Variants in CNTN5 observed in about 807,000 individuals in gnomAD.
CNTN5 encodes the protein contactin-5.
Under a neutral mutation model 129.1 loss-of-function variants are expected in CNTN5, and 77 were observed. The ratio of observed to expected loss-of-function variants is 0.60; its 90% CI spans 0.50 to 0.72. CNTN5 has a LOEUF of 0.72. CNTN5 is among the 30% of genes least tolerant of loss of function. The pLI, the probability that CNTN5 is intolerant of heterozygous loss-of-function variation, is 0.00. For missense variants in CNTN5, 1,478 were observed against 1,328.8 expected (o/e 1.11, Z -1.75); for synonymous variants, 509 against 465.6 (o/e 1.09, Z -1.20).
At chr11:99,319,795 C>T (rs145883166) in intron 1 of CNTN5, among the ~76,000 whole-genome samples, 6 of 151,964 alleles carry the variant, frequency 3.9e-5, no homozygotes, top group Admixed American at 2.0e-4. Flanking sequence ...TGAAGTAGGC[C>T]GACAGTGAAA....
intron 3 of CNTN5, among the ~76,000 whole-genome samples, chr11:99,569,506 G>T (rs1949111622): frequency 6.6e-6 from 1 of 152,036 alleles, no homozygotes; most frequent in African/African-American, 2.4e-5. Flanking sequence ...TAGAGACAGG[G>T]TTTCATCATG....
intron 2 of CNTN5, among the ~76,000 whole-genome samples, chr11:99,518,943 T>C (rs1285547218): frequency 2.0e-5 from 3 of 152,074 alleles, no homozygotes; most frequent in Non-Finnish European, 2.9e-5. Flanking sequence ...GCTCCACCCT[T>C]CTAATTTCTT....
chr11:100,169,647 C>T (rs762000883), intron 13 of CNTN5, among the ~76,000 whole-genome samples: 3 of 152,068 alleles, frequency 2.0e-5, no homozygotes, highest in African/African-American at 7.2e-5. Flanking sequence ...ATAACAATAA[C>T]TTTTGTATGC....
intron 17 of CNTN5, among the ~76,000 whole-genome samples, chr11:100,260,101 G>A (rs1484373651): frequency 1.3e-5 from 2 of 152,104 alleles, no homozygotes; most frequent in Non-Finnish European, 2.9e-5. Context: ...AATAAAAAAT[G>A]ATAAAGGGGA....
intron 10 of CNTN5, among the ~76,000 whole-genome samples, chr11:100,065,355 C>T (rs564227951): frequency 2.0e-5 from 3 of 151,984 alleles, no homozygotes; most frequent in African/African-American, 7.2e-5. Context: ...TGATTCTATA[C>T]TGTTATAAAG....
chr11:99,992,188 A>G (rs1161709044), intron 8 of CNTN5, among the ~76,000 whole-genome samples: 1 of 152,242 alleles, frequency 6.6e-6, no homozygotes, highest in Non-Finnish European at 1.5e-5. Context: ...TTTACTGGAC[A>G]GGAGTTCTTA....
At chr11:99,309,595 G>A (rs1261459877) in intron 1 of CNTN5, among the ~76,000 whole-genome samples, 2 of 152,134 alleles carry the variant, frequency 1.3e-5, no homozygotes, top group Non-Finnish European at 2.9e-5. Context: ...AAATAGATGG[G>A]ATGCTTATCC....
chr11:99,936,350 A>G (rs906752948), intron 7 of CNTN5, among the ~76,000 whole-genome samples: 1 of 152,234 alleles, frequency 6.6e-6, no homozygotes, highest in Admixed American at 6.5e-5. Context: ...TTCTAAAACT[A>G]TACAATTTTC....
At chr11:99,857,327 G>A (rs546903842) in intron 6 of CNTN5, among the ~76,000 whole-genome samples, 14 of 152,146 alleles carry the variant, frequency 9.2e-5, no homozygotes, top group South Asian at 2.1e-4. Context: ...GAATGCTGGC[G>A]TGATAAGTGA....
At chr11:100,139,197 G>A (rs1186515765) in intron 13 of CNTN5, among the ~76,000 whole-genome samples, 1 of 152,136 alleles carries the variant, frequency 6.6e-6, no homozygotes, top group Admixed American at 6.6e-5. Context: ...TCACAGGGCA[G>A]AGATATGGCA....
chr11:100,148,932 G>GAATT (rs1946951280), intron 13 of CNTN5, among the ~76,000 whole-genome samples: 1 of 152,024 alleles, frequency 6.6e-6, no homozygotes, highest in Non-Finnish European at 1.5e-5. Flanking sequence ...ATTAAGTACT[G>GAATT]AATTTATAAT....
chr11:99,643,150 A>G (rs573643192), intron 3 of CNTN5, among the ~76,000 whole-genome samples: 1 of 152,190 alleles, frequency 6.6e-6, no homozygotes, highest in Non-Finnish European at 1.5e-5. Flanking sequence ...AAACTTAGAA[A>G]TACTCCTATG....
chr11:99,439,639 C>T (rs1304761601), intron 2 of CNTN5, among the ~76,000 whole-genome samples: 1 of 134,014 alleles, frequency 7.5e-6, no homozygotes, highest in African/African-American at 2.8e-5. Context: ...ACCCGGAAGG[C>T]GGAGGTTGCA....
chr11:100,031,207 C>A (rs1272728979), intron 9 of CNTN5, among the ~76,000 whole-genome samples: 1 of 152,124 alleles, frequency 6.6e-6, no homozygotes, highest in Non-Finnish European at 1.5e-5. Context: ...CTATATCACA[C>A]GAAACTATTG....
intron 2 of CNTN5, among the ~76,000 whole-genome samples, chr11:99,393,564 C>T (rs1469915365): frequency 6.6e-6 from 1 of 151,714 alleles, no homozygotes; most frequent in East Asian, 1.9e-4. Flanking sequence ...GGGATTCAAA[C>T]CTCAGTTTTC....
chr11:99,032,115 C>A (rs1209237348), intron 1 of CNTN5, among the ~76,000 whole-genome samples: 2 of 152,082 alleles, frequency 1.3e-5, no homozygotes, highest in Non-Finnish European at 2.9e-5. Context: ...TTTATGGCTG[C>A]ATATTATTCC....
intron 2 of CNTN5, among the ~76,000 whole-genome samples, chr11:99,354,957 G>A (rs928746061): frequency 6.6e-6 from 1 of 152,098 alleles, no homozygotes; most frequent in Non-Finnish European, 1.5e-5. Context: ...ACTATGGACA[G>A]ACAGGCCCCC....
rs372130936 is a variant in CNTN5 at position 100,341,142 on chromosome 11, G to A, written c.2967G>A (p.Gln989=). ...TCAGGTGGGAGCAGCAAGGCTCTCA[G>A]GTTTCTCTGGGCTGGGAACCCGTCA... ...SNLRWEQQGS[Q]VSLGWEPVIP... Residue 989 remains glutamine, a synonymous_variant, in exon 23 of 25, where the codon CAG becomes CAA. Transcript: ENST00000524871. The A allele has an allele frequency of 9.9e-6, 16 of 1,613,894 alleles. No homozygotes were observed. In the African/African-American group the frequency reaches 2.1e-4, roughly 22 times the overall value.
chr11:99,813,098 T>C (rs1946478824), intron 3 of CNTN5, among the ~76,000 whole-genome samples: 1 of 152,046 alleles, frequency 6.6e-6, no homozygotes, highest in Admixed American at 6.6e-5. Flanking sequence ...TTCATGGCCA[T>C]ATCACCTGTT....
Sources: gnomAD v4.1 joint callset for allele counts (sites outside exome capture counted in the v4.1 genomes callset) on GRCh38, gnomAD v4.1.1 for gene constraint, MANE v1.5 for transcripts, NCBI Gene and HGNC (gene_info 2026-07-23, HGNC 2026-07-21) for gene names.